Variants in THADA observed in about 807,000 individuals in gnomAD.
The protein encoded by THADA is tRNA (32-2'-O)-methyltransferase regulator THADA.
A neutral mutation model predicts 219.8 loss-of-function variants in THADA; 213 were observed. The observed-to-expected ratio is 0.97, with a 90% CI of 0.87 to 1.09. The LOEUF (loss-of-function observed/expected upper bound fraction) is 1.09, where lower values mean the gene tolerates loss of function less well. Among genes scored for constraint, THADA ranks in the 50% least tolerant of loss-of-function variants. THADA has a pLI of 0.00. For missense variants in THADA, 2,956 were observed against 2,311.3 expected (o/e 1.28, Z -5.72); for synonymous variants, 1,018 against 828.9 (o/e 1.23, Z -3.92).
intron 26 of THADA, among the ~76,000 whole-genome samples, chr2:43,467,905 T>C (rs1361402987): frequency 6.6e-6 from 1 of 152,188 alleles, no homozygotes; most frequent in Admixed American, 6.5e-5. Flanking sequence ...TAAATCTCAA[T>C]AAGCCTCCAC....
chr2:43,421,718 G>T (rs1250169631), intron 28 of THADA, among the ~76,000 whole-genome samples: 1 of 152,180 alleles, frequency 6.6e-6, no homozygotes, highest in Admixed American at 6.5e-5. Context: ...AATTAATAAA[G>T]AATGCTTTTC....
chr2:43,372,316 C>G (rs1012308065), intron 29 of THADA: 2 of 152,104 alleles, frequency 1.3e-5, no homozygotes, highest in Non-Finnish European at 2.9e-5. Context: ...TGTTCTGAAC[C>G]TGATACATTC....
chr2:43,488,371 T>C (rs987801448), intron 25 of THADA, among the ~76,000 whole-genome samples: 1 of 152,200 alleles, frequency 6.6e-6, no homozygotes, highest in African/African-American at 2.4e-5. Context: ...AAGCACAATC[T>C]ACTTTGTGTC....
intron 3 of THADA, 42 bp from the exon 4 acceptor site, chr2:43,590,996 A>T (rs1226297708): frequency 6.4e-7 from 1 of 1,571,448 alleles, no homozygotes; most frequent in South Asian, 1.1e-5. Context: ...AATATCAAAT[A>T]TAGCAAAGTA....
intron 22 of THADA, among the ~76,000 whole-genome samples, chr2:43,521,321 G>A (rs1403387707): frequency 1.3e-5 from 2 of 152,112 alleles, no homozygotes; most frequent in African/African-American, 2.4e-5. Flanking sequence ...TTGGGAGGCC[G>A]AGGCAGGTGG....
chr2:43,414,092 T>C (rs1415280511), intron 28 of THADA, among the ~76,000 whole-genome samples: 1 of 152,262 alleles, frequency 6.6e-6, no homozygotes, highest in East Asian at 1.9e-4. Flanking sequence ...TTGTGTTTTA[T>C]TGTTGTGTTT....
At chr2:43,298,937 G>GA (rs1316495122) in intron 31 of THADA, among the ~76,000 whole-genome samples, 1 of 152,106 alleles carries the variant, frequency 6.6e-6, no homozygotes, top group African/African-American at 2.4e-5. Context: ...TCTCTAATCT[G>GA]AAAATCTGAA....
intron 26 of THADA, among the ~76,000 whole-genome samples, chr2:43,457,328 C>CAT (rs1683136969): frequency 6.6e-6 from 1 of 152,084 alleles, no homozygotes; most frequent in Admixed American, 6.5e-5. Context: ...CTTCTGTGAA[C>CAT]ATATACACAA....
At chr2:43,285,568 T>G (rs949355357) in intron 35 of THADA, among the ~76,000 whole-genome samples, 2 of 141,648 alleles carry the variant, frequency 1.4e-5, no homozygotes, top group African/African-American at 5.1e-5. Context: ...TCTCAGGTAG[T>G]TTTTTTTTTT....
Position 43,541,195 on chromosome 2 carries a change from C to G in THADA, c.3228G>C (p.Val1076=), listed in dbSNP as rs1290467459. ...TCAATAATCCATCAGAAGATTCTGG[C>G]ACAGGCTGCATGGGCAGAAGCTGGC... ...MLCQLLPMQP[V]PESSDGLLTV... Residue 1076 remains valine, a synonymous_variant, in exon 21 of 38, where the codon GTG becomes GTC. Transcript: ENST00000405975. 3 of 1,603,154 alleles carry G rather than the reference C, an allele frequency of 1.9e-6. No individual in the cohort carries two copies. Among genetic ancestry groups the G allele is most frequent in the Non-Finnish European group, 2.6e-6 (3 of 1,176,206 alleles).
At chr2:43,449,818 T>G (rs1345469122) in intron 26 of THADA, among the ~76,000 whole-genome samples, 1 of 152,118 alleles carries the variant, frequency 6.6e-6, no homozygotes, top group African/African-American at 2.4e-5. Context: ...AATAAGATTA[T>G]CAGCCAATTT....
intron 31 of THADA, among the ~76,000 whole-genome samples, chr2:43,308,769 A>C (rs1415314459): frequency 1.3e-4 from 20 of 149,804 alleles, no homozygotes; most frequent in South Asian, 4.2e-4. Context: ...AAAAAAAAAA[A>C]AAAAAAAAAA....
intron 29 of THADA, among the ~76,000 whole-genome samples, chr2:43,396,775 C>A (rs1218785952): frequency 6.6e-6 from 1 of 151,704 alleles, no homozygotes; most frequent in Non-Finnish European, 1.5e-5. Flanking sequence ...TGCACCACTG[C>A]ACTCCTGCCT....
intron 29 of THADA, among the ~76,000 whole-genome samples, chr2:43,365,585 A>ACACACACACACACG (rs1184962657): frequency 1.3e-5 from 2 of 151,714 alleles, no homozygotes; most frequent in Admixed American, 1.3e-4. Context: ...ACACACACAC[A>ACACACACACACACG]CACACACACA....
chr2:43,244,600 G>T (rs935841057), intron 36 of THADA, among the ~76,000 whole-genome samples: 6 of 152,228 alleles, frequency 3.9e-5, no homozygotes, highest in African/African-American at 1.4e-4. Context: ...TGGGGCCCTG[G>T]TGTGTGAAGG....
intron 14 of THADA, among the ~76,000 whole-genome samples, chr2:43,569,491 G>A (rs1396620023): frequency 6.6e-6 from 1 of 152,184 alleles, no homozygotes; most frequent in Non-Finnish European, 1.5e-5. Context: ...GTAAACCCAT[G>A]TCTTTAAAGT....
chr2:43,387,321 C>T (rs1272131006), intron 29 of THADA, among the ~76,000 whole-genome samples: 1 of 152,188 alleles, frequency 6.6e-6, no homozygotes, highest in Non-Finnish European at 1.5e-5. Context: ...CAGGTTGGAA[C>T]AAGGACATGA....
At chr2:43,272,877 C>T (rs1008827150) in intron 36 of THADA, among the ~76,000 whole-genome samples, 22 of 152,024 alleles carry the variant, frequency 1.4e-4, no homozygotes, top group African/African-American at 5.1e-4. Context: ...CTGGCTGCCC[C>T]GGCCTCCGAA....
At chr2:43,273,809 T>A (rs1672409934) in intron 36 of THADA, among the ~76,000 whole-genome samples, 1 of 152,134 alleles carries the variant, frequency 6.6e-6, no homozygotes, top group Non-Finnish European at 1.5e-5. Context: ...TCCCTCCCTG[T>A]TTGCTCAAGG....
Sources: gnomAD v4.1 joint callset for allele counts (sites outside exome capture counted in the v4.1 genomes callset) on GRCh38, gnomAD v4.1.1 for gene constraint, MANE v1.5 for transcripts, NCBI Gene and HGNC (gene_info 2026-07-23, HGNC 2026-07-21) for gene names.